The following MFNG variants were observed in gnomAD, a reference collection of about 807,000 sequenced individuals.
The protein encoded by MFNG is MFNG O-fucosylpeptide 3-beta-N-acetylglucosaminyltransferase, also known as beta-1,3-N-acetylglucosaminyltransferase manic fringe.
In MFNG, 24 loss-of-function variants were observed where a neutral mutation model predicts 34.2. The ratio of observed to expected loss-of-function variants is 0.70; its 90% CI spans 0.51 to 0.99. The LOEUF is 0.99. Among genes scored for constraint, MFNG ranks in the 50% least tolerant of loss-of-function variants. MFNG has a pLI of 0.00. For missense variants in MFNG, 383 were observed against 424.0 expected (o/e 0.90, Z 0.85); for synonymous variants, 158 against 179.2 (o/e 0.88, Z 0.94).
At chr22:37,481,942 C>CTTGTAGATGT (rs1922307592) in intron 1 of MFNG, among the ~76,000 whole-genome samples, 1 of 152,228 alleles carries the variant, frequency 6.6e-6, no homozygotes, top group Admixed American at 6.5e-5. Flanking sequence ...CCTTGATCCT[C>CTTGTAGATGT]AGTTTACCCA....
At chr22:37,480,528 C>G (rs1199634701) in intron 2 of MFNG, among the ~76,000 whole-genome samples, 193 bp downstream of exon 2, 1 of 152,190 alleles carries the variant, frequency 6.6e-6, no homozygotes, top group East Asian at 1.9e-4. Context: ...TGTCCAGCAC[C>G]GCTCTTCCCC....
chr22:37,479,314 C>A lies in MFNG; in HGVS notation c.561+31G>T, dbSNP rs368709951. ...GGCCCGGCCCTTGGGATCAGCGGGCCAAGGGGCAAAGGAGGAGGAGAGGGA... is the reference window on the plus strand; with the variant it reads ...GGCCCGGCCCTTGGGATCAGCGGGCAAAGGGGCAAAGGAGGAGGAGAGGGA... On this transcript the variant is annotated intron_variant, in intron 4 of 7. Transcript: ENST00000356998. 23 of 1,528,214 alleles carry A rather than the reference C, an allele frequency of 1.5e-5. No individual in the cohort carries two copies. In the African/African-American group the frequency reaches 3.3e-4, roughly 22 times the overall value. The allele number at this position is 1,528,214 out of a possible 1,614,324, so 94.7% of individuals were successfully genotyped here.
chr22:37,476,002 C>T (rs995358643), intron 5 of MFNG, among the ~76,000 whole-genome samples: 10 of 152,186 alleles, frequency 6.6e-5, no homozygotes, highest in East Asian at 1.9e-4. Flanking sequence ...CCAAACCCAG[C>T]AGCTGAGTGA....
rs910498621 is a variant in MFNG, at chr22:37,482,830, C to G, written c.256-2061G>C. 6.6e-6 allele frequency among the ~76,000 whole-genome samples: 1 copy of G among 152,176 alleles called. No individual in the cohort carries two copies. The highest frequency in any genetic ancestry group is 1.5e-5 in the Non-Finnish European group (1 of 68,024). ...TCTCTCCCTGGGGTCTGTCTCCCAC[C>G]GTCAGATTTAGCGAATGCTGGAGGT... is the stretch of plus-strand genomic sequence containing the variant. On this transcript the variant is annotated intron_variant, in intron 1 of 7. Coordinates refer to ENST00000356998, the MANE Select transcript of MFNG (RefSeq NM_002405.4). The surrounding 1 kb of genome is among the most constrained non-coding windows in gnomAD (Gnocchi z 4.1).
At chr22:37,473,166 G>A (rs888301183) in intron 6 of MFNG, among the ~76,000 whole-genome samples, 2 of 152,130 alleles carry the variant, frequency 1.3e-5, no homozygotes, top group African/African-American at 4.8e-5. Flanking sequence ...GGCTGGGTGC[G>A]GTGGCTCATG....
chr22:37,486,103 C>T lies in MFNG; in HGVS notation c.75G>A (p.Arg25=). 6.2e-7 allele frequency: 1 copy of T among 1,612,662 alleles called. No individual in the cohort carries two copies. The highest frequency in any genetic ancestry group is 8.5e-7 in the Non-Finnish European group (1 of 1,179,152). Residue 25 remains arginine, a synonymous_variant, in exon 1 of 8, where the codon CGG becomes CGA. Coordinates refer to ENST00000356998, the MANE Select transcript of MFNG (RefSeq NM_002405.4). ...GCTGCGGGGACAGGTTCAAGTGGTACCGCAGACACAGGAGCCCCATGCACA... is the reference window on the plus strand; with the variant it reads ...GCTGCGGGGACAGGTTCAAGTGGTATCGCAGACACAGGAGCCCCATGCACA... ...TLLCMGLLCL[R]YHLNLSPQRV...
intron 7 of MFNG, 99 bp downstream of exon 7, chr22:37,472,344 A>T: frequency 1.1e-6 from 1 of 885,986 alleles, no homozygotes; most frequent in Non-Finnish European, 1.7e-6. Context: ...GTCAGCCACC[A>T]AAGCCTGTCC....
Position 37,485,942 on chromosome 22 carries a change from A to G in MFNG, c.236T>C (p.Val79Ala). 1 of 1,613,384 alleles carries G rather than the reference A, an allele frequency of 6.2e-7. No individual in the cohort carries two copies. Among genetic ancestry groups the G allele is most frequent in the Non-Finnish European group, 8.5e-7 (1 of 1,179,594 alleles). Residue 79 changes from valine (V) to alanine (A), a missense_variant, in exon 1 of 8, where the codon GTT (valine) becomes GCT (alanine). Coordinates refer to ENST00000356998, the MANE Select transcript of MFNG (RefSeq NM_002405.4). The surrounding 1 kb of genome is among the most constrained non-coding windows in gnomAD (Gnocchi z 5.3). ...TGTCACCTGTTCCCTGGTCCTGGAAACCCACGTGTCAAGCAGCAGCTCCAG... is the reference window on the plus strand; with the variant it reads ...TGTCACCTGTTCCCTGGTCCTGGAAGCCCACGTGTCAAGCAGCAGCTCCAG... Reference protein sequence around the residue: ...LRLELLLDTWVSRTREQTFVF... With the variant: ...LRLELLLDTWASRTREQTFVF...
rs568933735 is a variant in MFNG at position 37,485,763 on chromosome 22, T to C, written c.255+160A>G. On this transcript the variant is annotated intron_variant, in intron 1 of 7. Transcript: ENST00000356998. This position sits in a 1 kb window ranked among gnomAD's most constrained non-coding sequence, Gnocchi z 5.3. ...CACGGGCAGGGCCGCAGGCAGCCCC[T>C]AAAGCCCGGAAGAAGGAGAGAGGAA... is the stretch of plus-strand genomic sequence containing the variant. 5.9e-5 allele frequency among the ~76,000 whole-genome samples: 9 copies of C among 152,244 alleles called. No individual in the cohort carries two copies. The highest frequency in any genetic ancestry group is 1.9e-4 in the African/African-American group (8 of 41,538).
rs2145741534 is a variant in MFNG, at chr22:37,485,203, A to G, written c.255+720T>C. 6.6e-6 allele frequency among the ~76,000 whole-genome samples: 1 copy of G among 152,188 alleles called. No homozygotes were observed. Among genetic ancestry groups the G allele is most frequent in the African/African-American group, 2.4e-5 (1 of 41,532 alleles). ...TGTGAGCACACACACACACACACAC[A>G]CAATCCCACGTGCCAGGCAGGCCTC... On this transcript the variant is annotated intron_variant, in intron 1 of 7. Transcript: ENST00000356998. The surrounding 1 kb of genome is among the most constrained non-coding windows in gnomAD (Gnocchi z 5.3).
rs566642796 is a variant in MFNG, at chr22:37,485,955, G to A, written c.223C>T (p.Leu75Phe). ...CTGGTCCTGGAAACCCACGTGTCAA[G>A]CAGCAGCTCCAGGCGCAAGCGGTGG... ...AFHRLRLELL[L>F]DTWVSRTREQ... Residue 75 changes from leucine (L) to phenylalanine (F), a missense_variant, in exon 1 of 8, where the codon CTT becomes TTT. Coordinates refer to ENST00000356998, the MANE Select transcript of MFNG (RefSeq NM_002405.4). The surrounding 1 kb of genome is among the most constrained non-coding windows in gnomAD (Gnocchi z 5.3). 3.7e-6 allele frequency: 6 copies of A among 1,613,758 alleles called. No individual in the cohort carries two copies. Among genetic ancestry groups the A allele is most frequent in the Non-Finnish European group, 5.1e-6 (6 of 1,179,774 alleles).
intron 7 of MFNG, among the ~76,000 whole-genome samples, chr22:37,470,803 C>T (rs1309726274): frequency 6.6e-6 from 1 of 152,206 alleles, no homozygotes; most frequent in Admixed American, 6.5e-5. Flanking sequence ...CCTGCCACGT[C>T]CCCAACCAAA....
chr22:37,473,931 C>T (rs552600660), intron 6 of MFNG, among the ~76,000 whole-genome samples: 12 of 152,330 alleles, frequency 7.9e-5, no homozygotes, highest in South Asian at 4.1e-4. Context: ...GCAGCCTCTC[C>T]GAGGCAGAGC....
rs1922070405 is a variant in MFNG, at chr22:37,476,964, C to T, written c.579G>A (p.Trp193Ter). 1 of 1,613,740 alleles carries T rather than the reference C, an allele frequency of 6.2e-7. No homozygotes were observed. The highest frequency in any genetic ancestry group is 8.5e-7 in the Non-Finnish European group (1 of 1,179,814). The change falls in exon 5 of 8, where the codon TGG (tryptophan) becomes TGA (stop). Residue 193 changes from tryptophan to a stop codon, truncating the protein, a stop_gained. Transcript: ENST00000356998. LOFTEE classifies it high-confidence loss of function. ...AGAAGCCAGCACCCCCAGTGGCAAACCAGAACTGTACCAGCCTCTGAGAGA... is the reference window on the plus strand; with the variant it reads ...AGAAGCCAGCACCCCCAGTGGCAAATCAGAACTGTACCAGCCTCTGAGAGA... ...PHNRTRLVQF[W>*]FATGGAGFCI... is the part of the protein sequence containing the mutation.
Position 37,470,284 on chromosome 22 carries a change from G to A in MFNG, c.900-255C>T, listed in dbSNP as rs547479679. The stretch of plus-strand genomic sequence containing the variant: ...AATCATAAGAATCAAAAATGTCTCC[G>A]ACATTGCCAGACGTCCCCTAAGAGA... On this transcript the variant is annotated intron_variant, in intron 7 of 7. Transcript: ENST00000356998. Among the ~76,000 whole-genome samples the A allele has an allele frequency of 1.1e-3, 168 of 152,248 alleles. 1 individual carries two copies. The highest frequency in any genetic ancestry group is 3.9e-3 in the African/African-American group (160 of 41,556).
At chr22:37,474,705 C>G in intron 5 of MFNG, 28 bp from the exon 6 acceptor site, 3 of 1,556,028 alleles carry the variant, frequency 1.9e-6, no homozygotes, top group East Asian at 2.3e-5. Context: ...ACTGCAGACG[C>G]TGGCCCAGGC....
chr22:37,469,722 C>A lies in MFNG; in HGVS notation c.*241G>T. On this transcript the variant is annotated 3_prime_UTR_variant, in exon 8 of 8. Coordinates refer to ENST00000356998, the MANE Select transcript of MFNG (RefSeq NM_002405.4). ...ATTCAGCCTCCTGAGGGAGTCTAGC[C>A]CCTGGAGCCTCTCTGGCCACCACCT... is the stretch of plus-strand genomic sequence containing the variant. 1.6e-6 allele frequency: 1 copy of A among 638,164 alleles called. No individual in the cohort carries two copies. Among genetic ancestry groups the A allele is most frequent in the East Asian group, 3.0e-5 (1 of 33,040 alleles). The allele number at this position is 638,164 out of a possible 1,614,324, so 39.5% of individuals were successfully genotyped here. A position where few individuals can be genotyped will look rare whatever the true frequency, so the allele number is the denominator to read the frequency against.
At chr22:37,484,846 C>A (rs1193740072) in intron 1 of MFNG, among the ~76,000 whole-genome samples, 1 of 152,178 alleles carries the variant, frequency 6.6e-6, no homozygotes, top group Non-Finnish European at 1.5e-5. Flanking sequence ...GGGTGCCCCT[C>A]CCCAGGAGGG....
In MFNG at chr22:37,486,127, C is replaced by CAGGAGGGTG; in HGVS notation, c.42_50dup (p.Thr15_Leu17dup). 6.2e-7 allele frequency: 1 copy of CAGGAGGGTG among 1,606,748 alleles called. No individual in the cohort carries two copies. The highest frequency in any genetic ancestry group is 8.5e-7 in the Non-Finnish European group (1 of 1,174,808). On this transcript the variant is annotated inframe_insertion, in exon 1 of 8. Coordinates refer to ENST00000356998, the MANE Select transcript of MFNG (RefSeq NM_002405.4). ...ACCGCAGACACAGGAGCCCCATGCA[C>CAGGAGGGTG]AGGAGGGTGAGGAGGGCTCCAGCCA...
Sources: gnomAD v4.1 joint callset for allele counts (sites outside exome capture counted in the v4.1 genomes callset) on GRCh38, gnomAD v4.1.1 for gene constraint, Gnocchi (gnomAD v3.1) non-coding constraint, MANE v1.5 for transcripts, NCBI Gene and HGNC (gene_info 2026-07-23, HGNC 2026-07-21) for gene names.